The following GAPVD1 variants were observed in gnomAD, a reference collection of about 807,000 sequenced individuals.
GAPVD1 encodes the protein GTPase-activating protein and VPS9 domain-containing protein 1.
Under a neutral mutation model 155.5 loss-of-function variants are expected in GAPVD1, and 35 were observed. The observed-to-expected ratio is 0.23, with a 90% confidence interval of 0.17 to 0.30. The LOEUF (loss-of-function observed/expected upper bound fraction) is 0.30. Ranked by LOEUF, GAPVD1 falls within the 10% of genes least tolerant of loss-of-function variation. The pLI, the probability that GAPVD1 is intolerant of heterozygous loss-of-function variation, is 1.00. For synonymous variants in GAPVD1, 636 were observed against 619.7 expected, an observed-to-expected ratio of 1.03 and a Z score of -0.39; for missense variants, 1,429 against 1,775.7, an observed-to-expected ratio of 0.80 and a Z score of 3.51.
At chr9:125,349,213 G>A (rs183064222) in intron 20 of GAPVD1, among the ~76,000 whole-genome samples, 177 bp from the exon 21 acceptor site, 1 of 152,192 alleles carries the variant, frequency 6.6e-6, no homozygotes, top group East Asian at 1.9e-4. Flanking sequence ...ATACATAATT[G>A]TTGCTATTGA....
chr9:125,307,791 A>G lies in GAPVD1; in HGVS notation c.1352A>G (p.Lys451Arg), dbSNP rs1842087500. ...LANLPPAKPG[K>R]SSSLEMTPYN... ...AACCTACCCCCGGCCAAGCCAGGAA[A>G]AAGTAGCAGTTTAGAAATGACTCCC... The change falls in exon 8 of 28, where the codon AAA becomes AGA. Residue 451 changes from lysine to arginine, a missense_variant. Lys to Arg is a conservative substitution (Grantham distance 26, BLOSUM62 2). Around this residue, in one of 4 missense-constraint regions of GAPVD1, gnomAD observed 628 missense variants for 733.4 expected, o/e 0.86. Transcript: ENST00000297933. 3.7e-6 allele frequency: 6 copies of G among 1,613,740 alleles called. No individual in the cohort carries two copies. In the African/African-American group the frequency reaches 6.7e-5, roughly 18 times the overall value.
rs1158829134 is a variant in GAPVD1, at chr9:125,346,802, T to G, written c.3047-17T>G. 6.2e-7 allele frequency: 1 copy of G among 1,610,028 alleles called. No individual in the cohort carries two copies. The highest frequency in any genetic ancestry group is 1.3e-5 in the African/African-American group (1 of 74,838). ...AAACCCAAGGGGCTAATTCTCTCAC[T>G]CTCCTTTCCCTTGCAGATGATCCCA... On this transcript the variant is annotated splice_polypyrimidine_tract_variant and intron_variant, in intron 19 of 27. Transcript: ENST00000297933.
In GAPVD1 at chr9:125,287,628, A is replaced by G. The variant is rs189748812; in HGVS notation, c.-149-7830A>G. ...ATTGAAGCAAGATTGTGCTTTGAAT[A>G]TTAAACCAAGGAGTTTGGAAATTAT... On this transcript the variant is annotated intron_variant, in intron 2 of 27. Coordinates refer to ENST00000297933, the MANE Select transcript of GAPVD1 (RefSeq NM_001282680.3). 8 of 152,364 alleles carry G rather than the reference A, an allele frequency of 5.3e-5. No homozygotes were observed. In the East Asian group the frequency reaches 1.5e-3, roughly 29 times the overall value. 9.4% of individuals were successfully genotyped at this position (152,364 alleles called of 1,614,324 possible).
chr9:125,310,718 A>T (rs547065544), intron 8 of GAPVD1, among the ~76,000 whole-genome samples: 138 of 150,136 alleles, frequency 9.2e-4, no homozygotes, highest in African/African-American at 3.3e-3. Flanking sequence ...TTGTATTTTT[A>T]GTAGAGATGG....
intron 17 of GAPVD1, among the ~76,000 whole-genome samples, chr9:125,340,330 T>C (rs1437619903): frequency 6.6e-6 from 1 of 152,228 alleles, no homozygotes; most frequent in East Asian, 1.9e-4. Context: ...TTCTTTGTCA[T>C]GTGTTAATGA....
chr9:125,335,988 A>G (rs554320081), intron 15 of GAPVD1, among the ~76,000 whole-genome samples: 3 of 152,006 alleles, frequency 2.0e-5, no homozygotes, highest in African/African-American at 7.2e-5. Context: ...CCCTGTCTCT[A>G]CAAAAAATAA....
chr9:125,315,029 C>T (rs539998709), intron 9 of GAPVD1, among the ~76,000 whole-genome samples: 3 of 152,166 alleles, frequency 2.0e-5, no homozygotes, highest in East Asian at 1.9e-4. Flanking sequence ...CCTCGTGATC[C>T]GCCCACCTCG....
rs557292505 is a variant in GAPVD1 at position 125,289,032 on chromosome 9, C to T, written c.-149-6426C>T. On this transcript the variant is annotated intron_variant, in intron 2 of 27. Transcript: ENST00000297933. ...TACTAAGGTAGAAGTGTGTCTGGCA[C>T]GTCTGACAATACGGCTGGAGCAGAA... Among the ~76,000 whole-genome samples the T allele has an allele frequency of 7.9e-5, 12 of 152,204 alleles. No individual in the cohort carries two copies. The South Asian group carries it at 1.0e-3, about 13-fold the overall frequency.
intron 9 of GAPVD1, among the ~76,000 whole-genome samples, chr9:125,312,907 CA>C (rs1432276296): frequency 3.3e-5 from 5 of 151,760 alleles, no homozygotes; most frequent in Non-Finnish European, 5.9e-5. Context: ...TGCAACCTCC[CA>C]ATCCCGGGTT....
chr9:125,274,086 T>C (rs1427072608), intron 2 of GAPVD1, among the ~76,000 whole-genome samples: 1 of 151,606 alleles, frequency 6.6e-6, no homozygotes, highest in African/African-American at 2.4e-5. Context: ...GGCGCAATCT[T>C]GGCTCACTGC....
rs964629599 is a variant in GAPVD1 at position 125,261,960 on chromosome 9, G to T, written c.-199+1G>T. On this transcript the variant is annotated splice_donor_variant, in intron 1 of 27. Transcript: ENST00000297933. LOFTEE classifies it low-confidence loss of function (5UTR_SPLICE). ...TGTCCTCCCCCGCATGACCCCCTTG[G>T]TGAGTACGCGTCCCGATTTAGTCCG... 6.5e-6 allele frequency: 1 copy of T among 152,998 alleles called. No homozygotes were observed. The highest frequency in any genetic ancestry group is 6.6e-5 in the Admixed American group (1 of 15,254). 9.5% of individuals were successfully genotyped at this position (152,998 alleles called of 1,614,324 possible).
chr9:125,351,737 T>A (rs1849314890), intron 23 of GAPVD1, among the ~76,000 whole-genome samples: 1 of 151,920 alleles, frequency 6.6e-6, no homozygotes, highest in Non-Finnish European at 1.5e-5. Context: ...TCCCATGGTC[T>A]TTCTTTTTTT....
chr9:125,323,238 C>T (rs1844647502), intron 10 of GAPVD1, among the ~76,000 whole-genome samples: 1 of 151,732 alleles, frequency 6.6e-6, no homozygotes. Flanking sequence ...TCCTAAGTAG[C>T]TGAGATTACA....
chr9:125,312,833 T>G (rs1842846039), intron 9 of GAPVD1, among the ~76,000 whole-genome samples: 1 of 152,184 alleles, frequency 6.6e-6, no homozygotes, highest in Non-Finnish European at 1.5e-5. Context: ...GGCTTATTTT[T>G]TTTTGAGATG....
At chr9:125,332,694 A>T in intron 15 of GAPVD1, 65 bp downstream of exon 15, 13 of 1,343,882 alleles carry the variant, frequency 9.7e-6, no homozygotes, top group Non-Finnish European at 1.4e-5. Flanking sequence ...TGGCACTGTG[A>T]CACATTGCTG....
At chr9:125,268,158 C>CT (rs1351486994) in intron 1 of GAPVD1, among the ~76,000 whole-genome samples, 1 of 150,868 alleles carries the variant, frequency 6.6e-6, no homozygotes, top group Non-Finnish European at 1.5e-5. Context: ...GAACAAAACT[C>CT]TGTCTCAAAA....
chr9:125,291,336 A>G (rs1838575329), intron 2 of GAPVD1, among the ~76,000 whole-genome samples: 1 of 152,152 alleles, frequency 6.6e-6, no homozygotes, highest in Non-Finnish European at 1.5e-5. Context: ...GTGTTTCCCC[A>G]GCTACATGTG....
intron 25 of GAPVD1, among the ~76,000 whole-genome samples, 159 bp from the exon 26 acceptor site, chr9:125,359,261 T>C (rs998882172): frequency 1.4e-4 from 21 of 152,300 alleles, no homozygotes; most frequent in Middle Eastern, 3.4e-3. Context: ...TTAGAAAGAA[T>C]ACTTATCTAA....
intron 14 of GAPVD1, 73 bp downstream of exon 14, chr9:125,332,133 G>C (rs1476364369): frequency 1.5e-6 from 2 of 1,322,634 alleles, no homozygotes; most frequent in African/African-American, 2.9e-5. Context: ...TTATAAAGTT[G>C]ATACAAAAAG....
Sources: gnomAD v4.1 joint callset for allele counts (sites outside exome capture counted in the v4.1 genomes callset) on GRCh38, gnomAD v4.1.1 for gene constraint, gnomAD v4.1.1 regional missense constraint, MANE v1.5 for transcripts, NCBI Gene and HGNC (gene_info 2026-07-23, HGNC 2026-07-21) for gene names.